SP140L: variants seen among roughly 807,000 people sequenced by gnomAD.
SP140L encodes SP140 like nuclear body protein.
In SP140L, 64 loss-of-function variants were observed where a neutral mutation model predicts 84.3. The observed-to-expected ratio is 0.76, with a 90% CI of 0.62 to 0.94. The LOEUF is 0.94. Ranked by LOEUF, SP140L falls within the 40% of genes least tolerant of loss-of-function variation. The pLI is 0.00. For synonymous variants in SP140L, 242 were observed against 236.9 expected, an observed-to-expected ratio of 1.02 and a Z score of -0.20; for missense variants, 628 against 692.5, an observed-to-expected ratio of 0.91 and a Z score of 1.05.
At chr2:230,379,077 CT>C (rs1049141155) in intron 7 of SP140L, among the ~76,000 whole-genome samples, 20 of 152,134 alleles carry the variant, frequency 1.3e-4, no homozygotes, top group Admixed American at 2.6e-4. Context: ...GTTATATAAA[CT>C]TTTTTTTCAT....
At chr2:230,363,673 T>C (rs2060788773) in intron 5 of SP140L, among the ~76,000 whole-genome samples, 1 of 152,200 alleles carries the variant, frequency 6.6e-6, no homozygotes, top group South Asian at 2.1e-4. Context: ...ACTTTTTAGT[T>C]TGATGTAGTC....
Position 230,368,559 on chromosome 2 carries a change from C to T in SP140L, c.524-2349C>T, listed in dbSNP as rs189128023. Among the ~76,000 whole-genome samples the T allele has an allele frequency of 1.1e-3, 170 of 152,232 alleles. 3 individuals are homozygous for T. The highest frequency in any genetic ancestry group is 6.8e-3 in the Middle Eastern group (2 of 294). Reference sequence around the variant, plus strand: ...ATAATCTTTCTATCCCTTTGTCTTTCTCTTCTCCTCTATGAATTTCTGCAA... The same window carrying T: ...ATAATCTTTCTATCCCTTTGTCTTTTTCTTCTCCTCTATGAATTTCTGCAA... On this transcript the variant is annotated intron_variant, in intron 5 of 18. Transcript: ENST00000415673.
chr2:230,328,292 C>A (rs2059634890), intron 1 of SP140L, among the ~76,000 whole-genome samples: 1 of 152,250 alleles, frequency 6.6e-6, no homozygotes, highest in Admixed American at 6.5e-5. Context: ...AGCTTCCTTT[C>A]ACAGTCTTGT....
chr2:230,327,398 C>G, intron 1 of SP140L, 97 bp downstream of exon 1: 1 of 1,403,940 alleles, frequency 7.1e-7, no homozygotes, highest in Non-Finnish European at 9.8e-7. Context: ...CAGTTTAGTC[C>G]TGCTTTGCAA....
At chr2:230,352,394 G>T (rs1323751523) in intron 2 of SP140L, among the ~76,000 whole-genome samples, 2 of 152,130 alleles carry the variant, frequency 1.3e-5, no homozygotes, top group Admixed American at 1.3e-4. Flanking sequence ...TTATGGTAGA[G>T]GGTGAAGGGA....
At chr2:230,329,144 A>C (rs532439419) in intron 2 of SP140L, among the ~76,000 whole-genome samples, 1 of 152,350 alleles carries the variant, frequency 6.6e-6, no homozygotes, top group Admixed American at 6.5e-5. Context: ...ATGCACCCTC[A>C]TTATAAATAG....
At chr2:230,356,996 A>C (rs1262021882) in intron 2 of SP140L, among the ~76,000 whole-genome samples, 2 of 152,148 alleles carry the variant, frequency 1.3e-5, no homozygotes, top group African/African-American at 4.8e-5. Flanking sequence ...TGGTTGGATA[A>C]AAAGAGCTCC....
At chr2:230,373,593 CTT>C (rs1200283197) in intron 7 of SP140L, among the ~76,000 whole-genome samples, 1 of 152,180 alleles carries the variant, frequency 6.6e-6, no homozygotes, top group Non-Finnish European at 1.5e-5. Context: ...AAAAAAGACT[CTT>C]TTCAAAATAT....
At chr2:230,356,822 G>A (rs1265895149) in intron 2 of SP140L, among the ~76,000 whole-genome samples, 13 of 152,098 alleles carry the variant, frequency 8.5e-5, no homozygotes, top group Admixed American at 8.5e-4. Flanking sequence ...TCTCTTATGT[G>A]CTCATTGTCC....
chr2:230,350,505 T>C (rs1163794710), intron 2 of SP140L, among the ~76,000 whole-genome samples: 1 of 152,230 alleles, frequency 6.6e-6, no homozygotes, highest in Non-Finnish European at 1.5e-5. Flanking sequence ...AATACTTCTG[T>C]ATTTATGAGA....
chr2:230,355,539 T>C (rs1174986048), intron 2 of SP140L, among the ~76,000 whole-genome samples: 1 of 152,112 alleles, frequency 6.6e-6, no homozygotes, highest in East Asian at 1.9e-4. Context: ...CTCATAGAAA[T>C]TGACAAATTG....
At position 230,361,994 on chromosome 2, in the gene SP140L, T is replaced by G. The variant is rs72495169; in HGVS notation, c.523+297T>G. Among the ~76,000 whole-genome samples, 14,062 of 152,248 alleles carry G rather than the reference T, an allele frequency of 0.092. 825 individuals carry two copies. Among genetic ancestry groups the G allele is most frequent in the Middle Eastern group, 0.15 (43 of 294 alleles). On this transcript the variant is annotated intron_variant, in intron 5 of 18. Transcript: ENST00000415673. ...TGTAATTGTGATTTAGAAAGGTCCC[T>G]GTGGGAGGTCAGTATGAAGCTGTGA...
chr2:230,392,303 C>G lies in SP140L; in HGVS notation c.1107+74C>G. The G allele has an allele frequency of 4.4e-6, 7 of 1,595,318 alleles. 1 individual carries two copies. In the South Asian group the frequency reaches 7.9e-5, roughly 18 times the overall value. ...TAATAATGAGGAGACTGTTTATTCACCAAATATTTGTTAGGTTATAGCTAA... is the reference window on the plus strand; with the variant it reads ...TAATAATGAGGAGACTGTTTATTCAGCAAATATTTGTTAGGTTATAGCTAA... On this transcript the variant is annotated intron_variant, in intron 12 of 18. Coordinates refer to ENST00000415673, the MANE Select transcript of SP140L (RefSeq NM_138402.6).
rs759252364 is a variant in SP140L at position 230,388,625 on chromosome 2, G to C, written c.851G>C (p.Arg284Pro). 1 of 1,606,640 alleles carries C rather than the reference G, an allele frequency of 6.2e-7. No homozygotes were observed. Among genetic ancestry groups the C allele is most frequent in the Middle Eastern group, 1.8e-4 (1 of 5,686 alleles). ...GACAGAGCTCCACAGAAAAGAGTCCGATCAAGAGGTAAAAAAGAAAAGAGG... is the reference window on the plus strand; with the variant it reads ...GACAGAGCTCCACAGAAAAGAGTCCCATCAAGAGGTAAAAAAGAAAAGAGG... ...QSDRAPQKRV[R>P]SRASRKHKDE... Residue 284 changes from arginine to proline, a missense_variant, in exon 10 of 19, where the codon CGA becomes CCA. Arg to Pro is a moderately radical substitution (Grantham distance 103). Coordinates refer to ENST00000415673, the MANE Select transcript of SP140L (RefSeq NM_138402.6).
At chr2:230,378,627 G>A (rs2061320665) in intron 7 of SP140L, among the ~76,000 whole-genome samples, 1 of 152,092 alleles carries the variant, frequency 6.6e-6, no homozygotes, top group Non-Finnish European at 1.5e-5. Context: ...GATCAGGAGT[G>A]GAAAGTAGAT....
At chr2:230,340,653 T>C (rs532004597) in intron 2 of SP140L, among the ~76,000 whole-genome samples, 541 of 128,088 alleles carry the variant, frequency 4.2e-3, no homozygotes, top group Middle Eastern at 0.021. Context: ...CCATGTTTAG[T>C]GCTTCCTTCA....
chr2:230,399,946 T>C, intron 14 of SP140L, 181 bp from the exon 15 acceptor site: 1 of 564,314 alleles, frequency 1.8e-6, no homozygotes, highest in Non-Finnish European at 3.2e-6. Flanking sequence ...CCTCCTGAAC[T>C]TCACTGCAGA....
chr2:230,400,777 G>A (rs1011818427), intron 15 of SP140L, 178 bp from the exon 16 acceptor site: 26 of 1,430,762 alleles, frequency 1.8e-5, no homozygotes, highest in Admixed American at 4.0e-5. Flanking sequence ...CCACTGATGC[G>A]AGGGAAAGGC....
intron 1 of SP140L, among the ~76,000 whole-genome samples, chr2:230,327,906 A>G (rs912959898): frequency 6.6e-6 from 1 of 152,246 alleles, no homozygotes; most frequent in African/African-American, 2.4e-5. Flanking sequence ...AGGAAAAAGA[A>G]GAAAAAGGCC....
Sources: gnomAD v4.1 joint callset for allele counts (sites outside exome capture counted in the v4.1 genomes callset) on GRCh38, gnomAD v4.1.1 for gene constraint, MANE v1.5 for transcripts, NCBI Gene and HGNC (gene_info 2026-07-23, HGNC 2026-07-21) for gene names.